Variants in SLC25A21 observed in about 807,000 individuals in gnomAD.
SLC25A21 encodes mitochondrial 2-oxodicarboxylate carrier.
SLC25A21 carries 47 observed loss-of-function variants against 43.8 expected under a neutral mutation model. The ratio of observed to expected loss-of-function variants is 1.07; its 90% CI spans 0.85 to 1.37. The LOEUF (loss-of-function observed/expected upper bound fraction) is 1.37. SLC25A21 is among the 40% of genes most tolerant of loss of function. SLC25A21 has a pLI of 0.00. For synonymous variants in SLC25A21, 131 were observed against 121.3 expected (o/e 1.08, Z -0.52); for missense variants, 352 against 350.2 (o/e 1.00, Z -0.04).
At chr14:37,072,179 CAA>C (rs36060373) in intron 1 of SLC25A21, among the ~76,000 whole-genome samples, 4 of 79,022 alleles carry the variant, frequency 5.1e-5, no homozygotes, top group African/African-American at 9.5e-5. Flanking sequence ...GAGACTGTCT[CAA>C]AAAAAAAAAA....
At position 36,764,654 on chromosome 14, in the gene SLC25A21, A is replaced by G. The variant is rs550010828; in HGVS notation, c.204-30081T>C. 9.6e-4 allele frequency among the ~76,000 whole-genome samples: 143 copies of G among 149,716 alleles called. 2 individuals carry two copies. The highest frequency in any genetic ancestry group is 7.8e-3 in the South Asian group (37 of 4,720). On this transcript the variant is annotated intron_variant, in intron 3 of 9. Transcript: ENST00000331299. ...AAAAACCACGCATGCCCACATACACACACACATCCCTTCTCTGGCTTAGGA... is the reference window on the plus strand; with the variant it reads ...AAAAACCACGCATGCCCACATACACGCACACATCCCTTCTCTGGCTTAGGA...
chr14:36,993,310 A>G (rs906400878), intron 1 of SLC25A21, among the ~76,000 whole-genome samples: 9 of 152,234 alleles, frequency 5.9e-5, no homozygotes, highest in Non-Finnish European at 8.8e-5. Context: ...GAAAACAAAT[A>G]TCAAACAAAT....
chr14:36,693,798 A>G (rs1566502046), intron 7 of SLC25A21, among the ~76,000 whole-genome samples: 1 of 152,002 alleles, frequency 6.6e-6, no homozygotes, highest in African/African-American at 2.4e-5. Context: ...ATGCTCAACT[A>G]ATTTTTTAAT....
chr14:36,763,360 A>G (rs1230197675), intron 3 of SLC25A21, among the ~76,000 whole-genome samples: 2 of 152,218 alleles, frequency 1.3e-5, no homozygotes, highest in Non-Finnish European at 2.9e-5. Context: ...GGACTCAGTT[A>G]GTGCTGGAGA....
At chr14:36,972,272 T>C (rs1242583148) in intron 1 of SLC25A21, among the ~76,000 whole-genome samples, 1 of 152,196 alleles carries the variant, frequency 6.6e-6, no homozygotes, top group Non-Finnish European at 1.5e-5. Context: ...ATGATGTGTG[T>C]ATAAGGACAA....
chr14:36,955,438 C>A (rs1344206787), intron 1 of SLC25A21, among the ~76,000 whole-genome samples: 1 of 152,104 alleles, frequency 6.6e-6, no homozygotes, highest in Non-Finnish European at 1.5e-5. Flanking sequence ...TGTTATAACT[C>A]TTTTTATTCA....
chr14:36,700,452 G>A (rs543842329), intron 7 of SLC25A21, among the ~76,000 whole-genome samples: 2 of 152,318 alleles, frequency 1.3e-5, no homozygotes, highest in African/African-American at 4.8e-5. Context: ...TCAGAGGACT[G>A]GAAGCCATGT....
chr14:36,740,825 G>A (rs1885223981), intron 3 of SLC25A21, among the ~76,000 whole-genome samples: 1 of 152,172 alleles, frequency 6.6e-6, no homozygotes, highest in Non-Finnish European at 1.5e-5. Flanking sequence ...TCTCTCATTA[G>A]TAGGGTCCAG....
intron 3 of SLC25A21, among the ~76,000 whole-genome samples, chr14:36,763,474 A>G (rs1430407584): frequency 6.6e-6 from 1 of 152,210 alleles, no homozygotes; most frequent in Non-Finnish European, 1.5e-5. Flanking sequence ...AATGTTTTCA[A>G]AGAGAACTCT....
intron 1 of SLC25A21, among the ~76,000 whole-genome samples, chr14:37,159,021 T>C (rs1440898998): frequency 1.3e-5 from 2 of 151,894 alleles, no homozygotes; most frequent in Admixed American, 6.6e-5. Context: ...GAAGTAAATA[T>C]AATTAAAGAG....
At chr14:36,884,285 G>T (rs1890852038) in intron 1 of SLC25A21, among the ~76,000 whole-genome samples, 1 of 152,086 alleles carries the variant, frequency 6.6e-6, no homozygotes, top group Non-Finnish European at 1.5e-5. Context: ...CGTCCTCTGG[G>T]TTCATCCATG....
At chr14:36,901,555 A>G (rs1315821574) in intron 1 of SLC25A21, among the ~76,000 whole-genome samples, 2 of 152,156 alleles carry the variant, frequency 1.3e-5, no homozygotes, top group East Asian at 3.8e-4. Context: ...TACTAACACA[A>G]ATCAATTAGA....
intron 3 of SLC25A21, among the ~76,000 whole-genome samples, chr14:36,757,662 A>C (rs554464478): frequency 4.9e-4 from 74 of 152,320 alleles, no homozygotes; most frequent in Admixed American, 4.7e-3. Flanking sequence ...AATTTTTTAA[A>C]ACTAGTCTCA....
intron 2 of SLC25A21, among the ~76,000 whole-genome samples, chr14:36,838,336 C>T (rs554469280): frequency 4.0e-4 from 61 of 152,304 alleles, no homozygotes; most frequent in African/African-American, 1.4e-3. Context: ...TAGTACAGCA[C>T]GACACCTTCT....
intron 3 of SLC25A21, among the ~76,000 whole-genome samples, chr14:36,785,885 G>C (rs1055172846): frequency 6.6e-6 from 1 of 152,178 alleles, no homozygotes; most frequent in Non-Finnish European, 1.5e-5. Flanking sequence ...ACTCTTACAA[G>C]TCAAGTGCTT....
chr14:36,907,090 C>T (rs906884608), intron 1 of SLC25A21, among the ~76,000 whole-genome samples: 1 of 152,056 alleles, frequency 6.6e-6, no homozygotes, highest in African/African-American at 2.4e-5. Context: ...TTGAAAACTG[C>T]AAAGTAATAC....
intron 1 of SLC25A21, among the ~76,000 whole-genome samples, chr14:37,077,073 T>C (rs1313281310): frequency 6.6e-6 from 1 of 152,204 alleles, no homozygotes; most frequent in Non-Finnish European, 1.5e-5. Flanking sequence ...CCTAATCAAA[T>C]AGATATCTGA....
chr14:36,891,168 T>C (rs1891062332), intron 1 of SLC25A21, among the ~76,000 whole-genome samples: 1 of 152,140 alleles, frequency 6.6e-6, no homozygotes, highest in Admixed American at 6.6e-5. Context: ...TCAATCAATA[T>C]AAAATGTATT....
chr14:36,702,837 T>C (rs192774172), intron 7 of SLC25A21, among the ~76,000 whole-genome samples: 2 of 152,252 alleles, frequency 1.3e-5, no homozygotes, highest in South Asian at 2.1e-4. Context: ...TTCCATCCAC[T>C]TGGGGAGTGT....
Sources: allele counts gnomAD v4.1 joint callset (sites outside exome capture counted in the v4.1 genomes callset), GRCh38; gene constraint gnomAD v4.1.1; transcripts MANE v1.5; gene names NCBI Gene and HGNC (gene_info 2026-07-23, HGNC 2026-07-21).